Variants in XRCC2 observed in about 807,000 individuals in gnomAD.
XRCC2 encodes the protein X-ray repair cross complementing 2.
In XRCC2, 24 loss-of-function variants were observed where a neutral mutation model predicts 27.3. That is an observed-to-expected ratio of 0.88 (90% CI 0.64 to 1.24). The LOEUF is 1.24. Among genes scored for constraint, XRCC2 ranks in the 50% most tolerant of loss-of-function variants. The pLI is 0.00. For missense variants in XRCC2, 321 were observed against 325.8 expected (o/e 0.99, Z 0.11); for synonymous variants, 106 against 115.4 (o/e 0.92, Z 0.52).
At chr7:152,662,746 T>C (rs1256922863) in intron 1 of XRCC2, among the ~76,000 whole-genome samples, 2 of 151,156 alleles carry the variant, frequency 1.3e-5, no homozygotes, top group Non-Finnish European at 3.0e-5. Flanking sequence ...CTAATTTTTT[T>C]GTATTTTTAG....
chr7:152,667,889 A>G (rs1010718176), intron 1 of XRCC2, among the ~76,000 whole-genome samples: 1 of 151,922 alleles, frequency 6.6e-6, no homozygotes, highest in East Asian at 1.9e-4. Flanking sequence ...TTAGCTAGGC[A>G]TGGTGGTGGG....
chr7:152,670,176 C>T (rs2098037607), intron 1 of XRCC2, among the ~76,000 whole-genome samples: 1 of 152,092 alleles, frequency 6.6e-6, no homozygotes, highest in Non-Finnish European at 1.5e-5. Flanking sequence ...AACTAAATTC[C>T]CTACTGAATG....
At chr7:152,657,245 A>AG (rs1199203983) in intron 2 of XRCC2, among the ~76,000 whole-genome samples, 5 of 151,206 alleles carry the variant, frequency 3.3e-5, no homozygotes, top group Non-Finnish European at 7.4e-5. Flanking sequence ...AAAAAAAAAA[A>AG]AAAGATAGTA....
intron 1 of XRCC2, among the ~76,000 whole-genome samples, chr7:152,663,595 T>A (rs1490360505): frequency 6.6e-6 from 1 of 152,102 alleles, no homozygotes; most frequent in East Asian, 1.9e-4. Context: ...TCCTAGTCCC[T>A]CGGGAGGACA....
intron 1 of XRCC2, among the ~76,000 whole-genome samples, chr7:152,675,603 C>T (rs1214895202): frequency 6.6e-6 from 1 of 152,156 alleles, no homozygotes; most frequent in African/African-American, 2.4e-5. Flanking sequence ...GCAACCTCCG[C>T]AAACACCACC....
At chr7:152,669,273 C>T (rs1364602423) in intron 1 of XRCC2, among the ~76,000 whole-genome samples, 1 of 152,114 alleles carries the variant, frequency 6.6e-6, no homozygotes, top group Admixed American at 6.6e-5. Context: ...CCTGTCTGGG[C>T]GATTATCTGA....
At chr7:152,663,675 C>CA (rs904265381) in intron 1 of XRCC2, among the ~76,000 whole-genome samples, 1 of 152,042 alleles carries the variant, frequency 6.6e-6, no homozygotes, top group African/African-American at 2.4e-5. Context: ...CCTGTCTCTA[C>CA]AAAAAATACA....
chr7:152,664,866 C>A (rs1391896730), intron 1 of XRCC2, among the ~76,000 whole-genome samples: 5 of 152,140 alleles, frequency 3.3e-5, no homozygotes, highest in Admixed American at 6.6e-5. Flanking sequence ...TTACGGGCAA[C>A]AACTTCCTGA....
chr7:152,655,761 A>G (rs2098030456), intron 2 of XRCC2, among the ~76,000 whole-genome samples: 1 of 152,172 alleles, frequency 6.6e-6, no homozygotes, highest in Admixed American at 6.5e-5. Flanking sequence ...CTGTAATCTC[A>G]GCACTTTGGG....
chr7:152,676,005 T>C (rs913908127), intron 1 of XRCC2, 36 bp downstream of exon 1: 33 of 1,613,136 alleles, frequency 2.0e-5, no homozygotes, highest in Non-Finnish European at 2.8e-5. Flanking sequence ...GCGGCCTTGT[T>C]CCCATCTCCC....
intron 2 of XRCC2, among the ~76,000 whole-genome samples, chr7:152,652,085 C>G (rs1230031779): frequency 6.6e-6 from 1 of 151,456 alleles, no homozygotes; most frequent in African/African-American, 2.4e-5. Flanking sequence ...GAAGTGGGAG[C>G]CTGTGAGGTT....
At chr7:152,664,909 G>C (rs998368163) in intron 1 of XRCC2, among the ~76,000 whole-genome samples, 6 of 152,120 alleles carry the variant, frequency 3.9e-5, no homozygotes, top group African/African-American at 1.4e-4. Context: ...ACATGTCCAG[G>C]AATGTGCAGT....
intron 2 of XRCC2, among the ~76,000 whole-genome samples, chr7:152,660,095 C>T (rs1005844199): frequency 4.6e-5 from 7 of 152,120 alleles, no homozygotes; most frequent in Admixed American, 4.6e-4. Flanking sequence ...CCAGAAAAGG[C>T]AAATCCATAG....
chr7:152,668,993 C>T (rs2098037091), intron 1 of XRCC2, among the ~76,000 whole-genome samples: 1 of 152,106 alleles, frequency 6.6e-6, no homozygotes, highest in African/African-American at 2.4e-5. Context: ...TTCTCAAAGC[C>T]TGGAATTTTT....
At chr7:152,655,378 A>C (rs1052703475) in intron 2 of XRCC2, among the ~76,000 whole-genome samples, 5 of 152,212 alleles carry the variant, frequency 3.3e-5, no homozygotes, top group African/African-American at 1.2e-4. Context: ...GAATTGGTAC[A>C]TGGTACTGAA....
rs1554410567 is a variant in XRCC2, at chr7:152,649,307, G to A, written c.178C>T (p.His60Tyr). The part of the protein sequence containing the change: ...EGTGKTEMLY[H>Y]LTARCILPKS... ...GGAAGTATACATCGTGCTGTTAGGT[G>A]ATAAAGCATTTCTGTTTTTCCTGTT... The change falls in exon 3 of 3, where the codon CAC becomes TAC. Residue 60 changes from histidine (H) to tyrosine (Y), a missense_variant. His to Tyr is a moderately conservative substitution (Grantham distance 83, BLOSUM62 2). Transcript: ENST00000359321. 7 of 1,611,568 alleles carry A rather than the reference G, an allele frequency of 4.3e-6. No homozygotes were observed. Among genetic ancestry groups the A allele is most frequent in the Non-Finnish European group, 5.9e-6 (7 of 1,179,514 alleles).
At chr7:152,667,269 T>A (rs2098036199) in intron 1 of XRCC2, among the ~76,000 whole-genome samples, 1 of 151,402 alleles carries the variant, frequency 6.6e-6, no homozygotes, top group South Asian at 2.1e-4. Flanking sequence ...TAGCCAGGCG[T>A]GGTGGCACAT....
At position 152,646,490 on chromosome 7, in the gene XRCC2, ATTTTTT is replaced by A. The variant is rs1404747837; in HGVS notation, c.*2146_*2151del. 1 of 151,962 alleles carries A rather than the reference ATTTTTT, an allele frequency of 6.6e-6. No homozygotes were observed. The highest frequency in any genetic ancestry group is 1.9e-4 in the East Asian group (1 of 5,172). 9.4% of individuals were successfully genotyped at this position (151,962 alleles called of 1,614,324 possible). On this transcript the variant is annotated 3_prime_UTR_variant, in exon 3 of 3. Transcript: ENST00000359321. ...GGTATGATCTTGTTCCTTATATTTTATTTTTTATTTTTTAGAGATGGAGTCGCCCAG... is the reference window on the plus strand; with the variant it reads ...GGTATGATCTTGTTCCTTATATTTTAATTTTTTAGAGATGGAGTCGCCCAG...
intron 1 of XRCC2, among the ~76,000 whole-genome samples, chr7:152,668,027 CAA>C (rs59503175): frequency 1.9e-4 from 20 of 105,586 alleles, no homozygotes; most frequent in Non-Finnish European, 2.0e-4. Context: ...GACTCCATCT[CAA>C]AAAAAAAAAA....
Sources: gnomAD v4.1 joint callset for allele counts (sites outside exome capture counted in the v4.1 genomes callset) on GRCh38, gnomAD v4.1.1 for gene constraint, MANE v1.5 for transcripts, NCBI Gene and HGNC (gene_info 2026-07-23, HGNC 2026-07-21) for gene names.